The following DPYD variants were observed in gnomAD, a reference collection of about 807,000 sequenced individuals.
The protein encoded by DPYD is dihydropyrimidine dehydrogenase.
Under a neutral mutation model 116.2 loss-of-function variants are expected in DPYD, and 109 were observed. The observed-to-expected ratio is 0.94, with a 90% confidence interval of 0.80 to 1.10. The LOEUF is 1.10. DPYD is among the 50% of genes least tolerant of loss of function. DPYD has a pLI of 0.00. For synonymous variants in DPYD, 440 were observed against 432.0 expected (o/e 1.02, Z -0.23); for missense variants, 1,302 against 1,254.5 (o/e 1.04, Z -0.57).
chr1:97,562,332 C>T (rs1279947773), intron 11 of DPYD, among the ~76,000 whole-genome samples: 2 of 152,086 alleles, frequency 1.3e-5, no homozygotes, highest in East Asian at 3.9e-4. Flanking sequence ...TCATGTTAAA[C>T]CAAATGAATT....
At chr1:97,641,605 T>C (rs1657910633) in intron 8 of DPYD, among the ~76,000 whole-genome samples, 1 of 152,070 alleles carries the variant, frequency 6.6e-6, no homozygotes, top group Admixed American at 6.6e-5. Flanking sequence ...TATCTCAAAA[T>C]AATAAGAGCA....
chr1:97,586,461 CATACAT>C (rs1557818627), intron 10 of DPYD, among the ~76,000 whole-genome samples: 2 of 46,590 alleles, frequency 4.3e-5, no homozygotes, highest in African/African-American at 7.1e-5. Context: ...AAAATACATA[CATACAT>C]ATATATATAT....
intron 4 of DPYD, among the ~76,000 whole-genome samples, chr1:97,724,153 G>A (rs192470504): frequency 6.6e-6 from 1 of 151,350 alleles, no homozygotes; most frequent in South Asian, 2.1e-4. Flanking sequence ...TTAATAAAAG[G>A]CCTCTACAAA....
intron 18 of DPYD, among the ~76,000 whole-genome samples, chr1:97,293,679 T>C (rs1666348960): frequency 6.6e-6 from 1 of 152,190 alleles, no homozygotes; most frequent in Admixed American, 6.5e-5. Flanking sequence ...TGGTGGCTCA[T>C]GCCTGTAATC....
intron 18 of DPYD, among the ~76,000 whole-genome samples, chr1:97,300,811 C>T (rs1380837761): frequency 1.3e-5 from 2 of 152,038 alleles, no homozygotes; most frequent in African/African-American, 4.8e-5. Flanking sequence ...CTTAAAAACA[C>T]ATAAACTATG....
chr1:97,639,478 T>G (rs986178139), intron 8 of DPYD, among the ~76,000 whole-genome samples: 1 of 152,152 alleles, frequency 6.6e-6, no homozygotes, highest in Non-Finnish European at 1.5e-5. Context: ...TCATCTTATA[T>G]TTTTCTTACT....
intron 20 of DPYD, among the ~76,000 whole-genome samples, chr1:97,110,881 T>A (rs1557868810): frequency 6.6e-6 from 1 of 151,966 alleles, no homozygotes; most frequent in Non-Finnish European, 1.5e-5. Context: ...TAAAACACTA[T>A]CCTATGGCTG....
rs143815742 is a variant in DPYD at position 97,573,918 on chromosome 1, C to A, written c.1181G>T (p.Arg394Leu). ...KCEFLPFLSPRKVIVKGGRIV... is the reference protein window; with the variant it reads ...KCEFLPFLSPLKVIVKGGRIV... ...TCTCCCACCTTTTACTATAACCTTC[C>A]GTGGGGACAGGAATGGCAGAAATTC... Residue 394 changes from arginine (R) to leucine (L), a missense_variant, in exon 11 of 23, where the codon CGG (arginine) becomes CTG (leucine). Transcript: ENST00000370192. 2.0e-5 allele frequency: 32 copies of A among 1,613,614 alleles called. No individual in the cohort carries two copies. The African/African-American group carries it at 4.0e-4, about 20-fold the overall frequency.
At chr1:97,721,348 A>G (rs1662912668) in intron 5 of DPYD, among the ~76,000 whole-genome samples, 162 bp downstream of exon 5, 1 of 151,872 alleles carries the variant, frequency 6.6e-6, no homozygotes, top group African/African-American at 2.4e-5. Context: ...TTTTGTAGCT[A>G]AGCTGCTGAA....
chr1:97,159,617 A>G (rs1655739025), intron 20 of DPYD, among the ~76,000 whole-genome samples: 1 of 152,090 alleles, frequency 6.6e-6, no homozygotes, highest in East Asian at 1.9e-4. Context: ...GTAGATAAAT[A>G]AAGGTTTCTA....
intron 13 of DPYD, among the ~76,000 whole-genome samples, chr1:97,492,228 G>A (rs2101906704): frequency 6.6e-6 from 1 of 152,182 alleles, no homozygotes; most frequent in African/African-American, 2.4e-5. Flanking sequence ...GCAGATCAAG[G>A]CATTTTGATA....
chr1:97,675,994 G>T (rs550279909), intron 8 of DPYD, among the ~76,000 whole-genome samples: 1 of 152,006 alleles, frequency 6.6e-6, no homozygotes, highest in East Asian at 1.9e-4. Context: ...TGATCCACCC[G>T]CCTCGGCCTC....
rs1046296509 is a variant in DPYD, at chr1:97,589,528, G to A, written c.1128+3690C>T. Reference sequence around the variant, plus strand: ...AGTTTCCTGAGGCCTCCCCAGTCATGCTGAACTGTGAGTCAATTAAACCTC... The same window carrying A: ...AGTTTCCTGAGGCCTCCCCAGTCATACTGAACTGTGAGTCAATTAAACCTC... On this transcript the variant is annotated intron_variant, in intron 10 of 22. Transcript: ENST00000370192. Among the ~76,000 whole-genome samples the A allele has an allele frequency of 6.6e-5, 10 of 152,204 alleles. 1 individual carries two copies. The highest frequency in any genetic ancestry group is 2.4e-4 in the African/African-American group (10 of 41,450).
At chr1:97,771,843 A>G (rs1469875454) in intron 3 of DPYD, among the ~76,000 whole-genome samples, 1 of 152,200 alleles carries the variant, frequency 6.6e-6, no homozygotes, top group Non-Finnish European at 1.5e-5. Flanking sequence ...GTGCTTGATT[A>G]CATAGTCTAA....
At chr1:97,243,860 A>G (rs1662538346) in intron 18 of DPYD, among the ~76,000 whole-genome samples, 1 of 151,902 alleles carries the variant, frequency 6.6e-6, no homozygotes, top group African/African-American at 2.4e-5. Context: ...TTGGTCTAAA[A>G]GTATCCCAGT....
chr1:97,112,123 ACT>A (rs1651641484), intron 20 of DPYD, among the ~76,000 whole-genome samples: 1 of 152,112 alleles, frequency 6.6e-6, no homozygotes, highest in Non-Finnish European at 1.5e-5. Context: ...TTTGTGAATT[ACT>A]TATGTACACA....
chr1:97,569,697 C>A (rs11165895), intron 11 of DPYD, among the ~76,000 whole-genome samples: 116,357 of 151,562 alleles, frequency 0.77, 46,187 homozygotes, highest in East Asian at 0.96. Context: ...GAGTTTTTCA[C>A]AAGAAAGATA....
intron 13 of DPYD, among the ~76,000 whole-genome samples, chr1:97,455,659 A>G (rs1229052525): frequency 1.3e-5 from 2 of 151,976 alleles, no homozygotes; most frequent in Non-Finnish European, 2.9e-5. Flanking sequence ...ATAAAATTCA[A>G]GAGTGGCCCA....
intron 3 of DPYD, among the ~76,000 whole-genome samples, chr1:97,763,280 G>A (rs1325146977): frequency 6.6e-6 from 1 of 151,944 alleles, no homozygotes; most frequent in Non-Finnish European, 1.5e-5. Flanking sequence ...CAGTTAATAG[G>A]AGGGGATTAA....
Sources: allele counts gnomAD v4.1 joint callset (sites outside exome capture counted in the v4.1 genomes callset), GRCh38; gene constraint gnomAD v4.1.1; transcripts MANE v1.5; gene names NCBI Gene and HGNC (gene_info 2026-07-23, HGNC 2026-07-21).